The following SEC23IP variants were observed in gnomAD, a reference collection of about 807,000 sequenced individuals.
The protein encoded by SEC23IP is SEC23-interacting protein.
SEC23IP carries 70 observed loss-of-function variants against 113.4 expected under a neutral mutation model. The observed-to-expected ratio is 0.62, with a 90% CI of 0.51 to 0.75. The LOEUF (loss-of-function observed/expected upper bound fraction) is 0.75. SEC23IP is among the 30% of genes least tolerant of loss of function. The pLI, the probability that SEC23IP is intolerant of heterozygous loss-of-function variation, is 0.00. For synonymous variants in SEC23IP, 398 were observed against 421.0 expected, an observed-to-expected ratio of 0.95 and a Z score of 0.67; for missense variants, 1,160 against 1,204.9, an observed-to-expected ratio of 0.96 and a Z score of 0.55.
chr10:119,920,858 G>C lies in SEC23IP; in HGVS notation c.2026-31G>C, dbSNP rs948584683. ...ATTTCAGTTCTTCTATCACTAGATT[G>C]ATTAATGTGCTTGTCTGTTTCCTTT... On this transcript the variant is annotated intron_variant, in intron 11 of 18. Coordinates refer to ENST00000369075, the MANE Select transcript of SEC23IP (RefSeq NM_007190.4). The C allele has an allele frequency of 4.3e-6, 6 of 1,400,966 alleles. No homozygotes were observed. The African/African-American group carries it at 8.5e-5, about 20-fold the overall frequency. 86.8% of individuals were successfully genotyped at this position (1,400,966 alleles called of 1,614,324 possible).
chr10:119,900,954 T>C (rs1854471918), intron 2 of SEC23IP, among the ~76,000 whole-genome samples: 1 of 151,406 alleles, frequency 6.6e-6, no homozygotes, highest in Non-Finnish European at 1.5e-5. Flanking sequence ...ATTTTTTTTT[T>C]GTGTGAACAT....
At chr10:119,917,081 C>G (rs1855075274) in intron 8 of SEC23IP, among the ~76,000 whole-genome samples, 1 of 152,186 alleles carries the variant, frequency 6.6e-6, no homozygotes, top group Non-Finnish European at 1.5e-5. Flanking sequence ...GTTGCTCAAG[C>G]TGGTCTTGAT....
At chr10:119,908,502 G>A (rs760833940) in intron 4 of SEC23IP, among the ~76,000 whole-genome samples, 17 of 152,156 alleles carry the variant, frequency 1.1e-4, no homozygotes, top group Non-Finnish European at 2.2e-4. Flanking sequence ...GGAATAGGAT[G>A]GGCCCCAAAG....
chr10:119,900,259 A>G (rs983552189), intron 2 of SEC23IP, among the ~76,000 whole-genome samples: 17 of 151,240 alleles, frequency 1.1e-4, no homozygotes, highest in Non-Finnish European at 2.1e-4. Context: ...ATATATGTGT[A>G]TGTATATGTA....
chr10:119,935,305 A>C (rs1170724335), intron 18 of SEC23IP, among the ~76,000 whole-genome samples: 1 of 152,148 alleles, frequency 6.6e-6, no homozygotes, highest in East Asian at 1.9e-4. Context: ...TACTAAAAAT[A>C]CAAAAATTAG....
At chr10:119,915,550 A>G (rs1364270459) in intron 7 of SEC23IP, among the ~76,000 whole-genome samples, 198 bp from the exon 8 acceptor site, 1 of 152,134 alleles carries the variant, frequency 6.6e-6, no homozygotes, top group Non-Finnish European at 1.5e-5. Flanking sequence ...GCAATAATGG[A>G]AAGTTTAAAA....
intron 13 of SEC23IP, among the ~76,000 whole-genome samples, chr10:119,929,017 A>T (rs937809891): frequency 2.6e-5 from 4 of 152,190 alleles, no homozygotes; most frequent in African/African-American, 9.7e-5. Flanking sequence ...GAGGTGGAGG[A>T]GAGAGAGGTT....
At chr10:119,930,645 G>A (rs1855566904) in intron 15 of SEC23IP, among the ~76,000 whole-genome samples, 1 of 152,182 alleles carries the variant, frequency 6.6e-6, no homozygotes, top group African/African-American at 2.4e-5. Context: ...AAGGTAATTA[G>A]GAATAGGGAG....
At position 119,900,297 on chromosome 10, in the gene SEC23IP, GTATA is replaced by G. The variant is rs60279621; in HGVS notation, c.696+1351_696+1354del. 1.0e-4 allele frequency among the ~76,000 whole-genome samples: 15 copies of G among 149,416 alleles called. No homozygotes were observed. The South Asian group carries it at 1.3e-3, about 13-fold the overall frequency. The stretch of plus-strand genomic sequence containing the variant: ...TGTGTGTGTATGTGTGTGTGTGTGT[GTATA>G]TATATATATATAAAATTTTTTTTTT... On this transcript the variant is annotated intron_variant, in intron 2 of 18. Coordinates refer to ENST00000369075, the MANE Select transcript of SEC23IP (RefSeq NM_007190.4).
chr10:119,938,158 T>C (rs1050465439), intron 18 of SEC23IP, among the ~76,000 whole-genome samples: 5 of 151,702 alleles, frequency 3.3e-5, no homozygotes, highest in Non-Finnish European at 4.4e-5. Context: ...TTAAGTCAGC[T>C]GTTGCCTTAA....
In SEC23IP at chr10:119,942,920, C is replaced by T. The variant is rs1856000855; in HGVS notation, c.*2355C>T. On this transcript the variant is annotated 3_prime_UTR_variant, in exon 19 of 19. Coordinates refer to ENST00000369075, the MANE Select transcript of SEC23IP (RefSeq NM_007190.4). ...AAGTATGTTATTGGAAAGGTGTGAT[C>T]TATATAGAACCCTGTACATGAAAAG... 6.6e-6 allele frequency: 1 copy of T among 152,156 alleles called. No individual in the cohort carries two copies. Among genetic ancestry groups the T allele is most frequent in the African/African-American group, 2.4e-5 (1 of 41,428 alleles). 9.4% of individuals were successfully genotyped at this position (152,156 alleles called of 1,614,324 possible).
chr10:119,937,267 C>T (rs146931532), intron 18 of SEC23IP, among the ~76,000 whole-genome samples: 161 of 152,100 alleles, frequency 1.1e-3, no homozygotes, highest in African/African-American at 3.7e-3. Context: ...TTGAAATTAG[C>T]CTTTTATTTT....
At chr10:119,912,611 T>G (rs61867973) in intron 6 of SEC23IP, among the ~76,000 whole-genome samples, 8,167 of 151,774 alleles carry the variant, frequency 0.054, 421 homozygotes, top group South Asian at 0.27. Context: ...ATTTCAGATC[T>G]TTTCTCCTAG....
intron 18 of SEC23IP, among the ~76,000 whole-genome samples, chr10:119,938,824 ACTT>A (rs1360729363): frequency 1.3e-5 from 2 of 152,206 alleles, no homozygotes; most frequent in African/African-American, 4.8e-5. Context: ...TGTTTTATTT[ACTT>A]CTTCTTACAC....
rs745670887 is a variant in SEC23IP at position 119,909,023 on chromosome 10, T to C, written c.1102-18T>C. 2.0e-6 allele frequency: 3 copies of C among 1,534,822 alleles called. No homozygotes were observed. The East Asian group carries it at 6.7e-5, about 35-fold the overall frequency. On this transcript the variant is annotated intron_variant, in intron 4 of 18. Transcript: ENST00000369075. The stretch of plus-strand genomic sequence containing the variant: ...TAAATTTGTCATGTTGGAATATATG[T>C]TGTTTCCCCCATTATAGGCTGAATA...
Position 119,938,889 on chromosome 10 carries a change from C to T in SEC23IP, c.*21-1697C>T, listed in dbSNP as rs184259906. On this transcript the variant is annotated intron_variant, in intron 18 of 18. Coordinates refer to ENST00000369075, the MANE Select transcript of SEC23IP (RefSeq NM_007190.4). The stretch of plus-strand genomic sequence containing the variant: ...TAAGTTTCTAATACTATACTAATGT[C>T]ATAAGATAATCCATTTAAAATGTTA... Among the ~76,000 whole-genome samples the T allele has an allele frequency of 7.9e-5, 12 of 152,290 alleles. No individual in the cohort carries two copies. The East Asian group carries it at 2.3e-3, about 29-fold the overall frequency.
intron 17 of SEC23IP, 67 bp from the exon 18 acceptor site, chr10:119,933,619 A>G (rs1855679602): frequency 2.3e-6 from 2 of 853,490 alleles, no homozygotes; most frequent in South Asian, 1.5e-5. Flanking sequence ...TGCATTTTCA[A>G]CCATTGTGCA....
In SEC23IP at chr10:119,913,161, T is replaced by G. The variant is rs146510822; in HGVS notation, c.1312+997T>G. ...AACTTCTTTAGTTCCTACATATGAG[T>G]GAGGACATACAGATATCTTTATCTT... On this transcript the variant is annotated intron_variant, in intron 6 of 18. Coordinates refer to ENST00000369075, the MANE Select transcript of SEC23IP (RefSeq NM_007190.4). Among the ~76,000 whole-genome samples the G allele has an allele frequency of 3.1e-3, 470 of 152,296 alleles. 2 individuals are homozygous for G. The highest frequency in any genetic ancestry group is 0.011 in the African/African-American group (447 of 41,558).
chr10:119,918,362 C>A, intron 9 of SEC23IP, 31 bp from the exon 10 acceptor site: 1 of 1,326,418 alleles, frequency 7.5e-7, no homozygotes, highest in Non-Finnish European at 1.1e-6. Context: ...GTACCTACTA[C>A]ATTATAAGGC....
Sources: allele counts gnomAD v4.1 joint callset (sites outside exome capture counted in the v4.1 genomes callset), GRCh38; gene constraint gnomAD v4.1.1; transcripts MANE v1.5; gene names NCBI Gene and HGNC (gene_info 2026-07-23, HGNC 2026-07-21).